Variants in PTPN2 observed in about 807,000 individuals in gnomAD.
The protein encoded by PTPN2 is tyrosine-protein phosphatase non-receptor type 2.
PTPN2 carries 19 observed loss-of-function variants against 57.3 expected under a neutral mutation model. The observed-to-expected ratio is 0.33, with a 90% CI of 0.23 to 0.49. PTPN2 has a LOEUF of 0.49. Ranked by LOEUF, PTPN2 falls within the 20% of genes least tolerant of loss-of-function variation. PTPN2 has a pLI of 0.99. For synonymous variants in PTPN2, 153 were observed against 164.9 expected, an observed-to-expected ratio of 0.93 and a Z score of 0.55; for missense variants, 358 against 501.1, an observed-to-expected ratio of 0.71 and a Z score of 2.73.
intron 1 of PTPN2, among the ~76,000 whole-genome samples, chr18:12,872,824 A>T (rs1247371258): frequency 6.6e-6 from 1 of 152,282 alleles, no homozygotes; most frequent in Admixed American, 6.5e-5. Flanking sequence ...CCGTACATAG[A>T]ACATTAAATC....
At chr18:12,863,041 C>A (rs1023393101) in intron 1 of PTPN2, among the ~76,000 whole-genome samples, 1 of 152,054 alleles carries the variant, frequency 6.6e-6, no homozygotes, top group Non-Finnish European at 1.5e-5. Context: ...ATAAAATATA[C>A]AGTATCTGTC....
At chr18:12,819,244 T>G (rs1318718148) in intron 5 of PTPN2, 5 of 1,457,500 alleles carry the variant, frequency 3.4e-6, no homozygotes, top group Non-Finnish European at 4.6e-6. Context: ...CCAGCATTAA[T>G]AATTTCAAAT....
intron 3 of PTPN2, among the ~76,000 whole-genome samples, chr18:12,834,615 T>C (rs1347560375): frequency 6.6e-6 from 1 of 152,094 alleles, no homozygotes; most frequent in African/African-American, 2.4e-5. Context: ...CCCAGTGAAA[T>C]GCTGGCACCA....
At chr18:12,803,946 G>A (rs1243141599) in intron 7 of PTPN2, among the ~76,000 whole-genome samples, 3 of 151,978 alleles carry the variant, frequency 2.0e-5, no homozygotes, top group African/African-American at 4.8e-5. Context: ...TCAGCACATG[G>A]AACATTCTCC....
At chr18:12,819,320 A>G in intron 5 of PTPN2, 2 of 978,342 alleles carry the variant, frequency 2.0e-6, no homozygotes, top group Non-Finnish European at 2.9e-6. Flanking sequence ...ACAAATTAAA[A>G]TGATCATGGT....
intron 1 of PTPN2, among the ~76,000 whole-genome samples, chr18:12,875,311 A>T (rs1361734874): frequency 9.0e-6 from 1 of 111,438 alleles, no homozygotes; most frequent in African/African-American, 4.6e-5. Context: ...CAATAAAAAT[A>T]AAAATTAAAA....
chr18:12,868,810 T>C (rs993184254), intron 1 of PTPN2, among the ~76,000 whole-genome samples: 1 of 151,492 alleles, frequency 6.6e-6, no homozygotes, highest in Admixed American at 6.6e-5. Context: ...GCTCCTGATT[T>C]GTTTTAACAA....
chr18:12,878,820 T>C (rs902011543), intron 1 of PTPN2, among the ~76,000 whole-genome samples: 1 of 152,148 alleles, frequency 6.6e-6, no homozygotes, highest in South Asian at 2.1e-4. Flanking sequence ...GCACTTGTAC[T>C]CCAGACTGGG....
intron 4 of PTPN2, among the ~76,000 whole-genome samples, chr18:12,829,613 A>AT (rs1381482782): frequency 1.1e-4 from 17 of 152,230 alleles, no homozygotes; most frequent in African/African-American, 4.1e-4. Flanking sequence ...CAAAGGAGTA[A>AT]AATTAATCCA....
intron 1 of PTPN2, among the ~76,000 whole-genome samples, chr18:12,870,500 A>AGAGAGAGAGAGAG (rs765653644): frequency 3.8e-5 from 2 of 52,756 alleles, no homozygotes; most frequent in Non-Finnish European, 6.7e-5. Context: ...GAGAGAGAGA[A>AGAGAGAGAGAGAG]AAGCGTGTTG....
At chr18:12,865,437 T>C (rs931625085) in intron 1 of PTPN2, among the ~76,000 whole-genome samples, 2 of 141,998 alleles carry the variant, frequency 1.4e-5, no homozygotes, top group African/African-American at 5.8e-5. Context: ...TCTGTCTTTA[T>C]TAAAAAAAAA....
intron 6 of PTPN2, 121 bp downstream of exon 6, chr18:12,817,035 A>T: frequency 1.1e-6 from 1 of 937,326 alleles, no homozygotes; most frequent in Non-Finnish European, 1.6e-6. Context: ...TTCCAAAAGT[A>T]GAAGTTTAAG....
In PTPN2 at chr18:12,835,376, A is replaced by G. The variant is rs371835609; in HGVS notation, c.261+1415T>C. On this transcript the variant is annotated intron_variant, in intron 3 of 8. Coordinates refer to ENST00000309660, the MANE Select transcript of PTPN2 (RefSeq NM_002828.4). ...ATAAGACTGCAATGAACATGATCAC[A>G]TATGTCTTTTTTTTTTTTTTGGACA... 5.8e-3 allele frequency among the ~76,000 whole-genome samples: 240 copies of G among 41,460 alleles called. 2 individuals are homozygous for G. The highest frequency in any genetic ancestry group is 8.5e-3 in the Non-Finnish European group (189 of 22,130). 27.2% of individuals were successfully genotyped at this position (41,460 alleles called of 152,430 possible).
At chr18:12,839,126 T>C (rs539712306) in intron 2 of PTPN2, among the ~76,000 whole-genome samples, 1 of 152,286 alleles carries the variant, frequency 6.6e-6, no homozygotes, top group South Asian at 2.1e-4. Flanking sequence ...TTTCAGGAAG[T>C]GAAACTATCA....
intron 2 of PTPN2, among the ~76,000 whole-genome samples, chr18:12,857,181 C>T (rs2043620854): frequency 1.3e-5 from 2 of 151,536 alleles, no homozygotes; most frequent in African/African-American, 4.9e-5. Context: ...TTAAAGGCAA[C>T]ACCAGGTTAG....
At chr18:12,804,929 C>T (rs1177746967) in intron 7 of PTPN2, among the ~76,000 whole-genome samples, 1 of 152,172 alleles carries the variant, frequency 6.6e-6, no homozygotes, top group African/African-American at 2.4e-5. Flanking sequence ...AAGAAAACTA[C>T]AGGCCAATAT....
At chr18:12,827,403 T>A (rs1243202473) in intron 4 of PTPN2, among the ~76,000 whole-genome samples, 1 of 151,670 alleles carries the variant, frequency 6.6e-6, no homozygotes, top group Non-Finnish European at 1.5e-5. Context: ...TAATTTTTTT[T>A]TTTTTTAAGA....
chr18:12,871,285 T>C (rs995939051), intron 1 of PTPN2, among the ~76,000 whole-genome samples: 2 of 152,204 alleles, frequency 1.3e-5, no homozygotes, highest in African/African-American at 4.8e-5. Flanking sequence ...GCTATATCAA[T>C]GTATACTGTC....
intron 2 of PTPN2, among the ~76,000 whole-genome samples, chr18:12,844,851 T>G (rs2043162046): frequency 1.3e-5 from 2 of 152,206 alleles, no homozygotes; most frequent in African/African-American, 4.8e-5. Flanking sequence ...TTCTCCCATT[T>G]TCTTATGAAA....
Sources: allele counts gnomAD v4.1 joint callset (sites outside exome capture counted in the v4.1 genomes callset), GRCh38; gene constraint gnomAD v4.1.1; transcripts MANE v1.5; gene names NCBI Gene and HGNC (gene_info 2026-07-23, HGNC 2026-07-21).